Variants in GALNT2 observed in about 807,000 individuals in gnomAD.
GALNT2 encodes UDP-GalNAc:polypeptide N-acetylgalactosaminyltransferase 2.
In GALNT2, 31 loss-of-function variants were observed where a neutral mutation model predicts 81.4. That is an observed-to-expected ratio of 0.38 (90% CI 0.29 to 0.51). The LOEUF (loss-of-function observed/expected upper bound fraction) is 0.51. GALNT2 is among the 20% of genes least tolerant of loss of function. The pLI is 0.87. For synonymous variants in GALNT2, 303 were observed against 287.4 expected, an observed-to-expected ratio of 1.05 and a Z score of -0.55; for missense variants, 629 against 765.7, an observed-to-expected ratio of 0.82 and a Z score of 2.11.
intron 6 of GALNT2, among the ~76,000 whole-genome samples, chr1:230,241,286 A>G (rs199626287): frequency 6.6e-6 from 1 of 152,032 alleles, no homozygotes; most frequent in Middle Eastern, 3.2e-3. Context: ...TATAATTGAC[A>G]TTGTGGATGA....
At chr1:230,171,182 A>G (rs769136615) in intron 1 of GALNT2, among the ~76,000 whole-genome samples, 2 of 152,166 alleles carry the variant, frequency 1.3e-5, no homozygotes, top group Non-Finnish European at 2.9e-5. Context: ...GGGTCACTTT[A>G]TAGGGAAAAT....
chr1:230,274,691 C>A, intron 15 of GALNT2, 127 bp downstream of exon 15: 2 of 1,144,012 alleles, frequency 1.7e-6, no homozygotes, highest in Non-Finnish European at 2.4e-6. Flanking sequence ...TGTTCTTTTG[C>A]ATCACTGTGA....
At chr1:230,061,122 G>A (rs914066346) in intron 1 of GALNT2, among the ~76,000 whole-genome samples, 7 of 151,918 alleles carry the variant, frequency 4.6e-5, no homozygotes, top group African/African-American at 1.7e-4. Context: ...ATTAATCGGG[G>A]CCCTTTAAGT....
Position 230,124,173 on chromosome 1 carries a change from G to T in GALNT2, c.127-54045G>T, listed in dbSNP as rs527440947. Among the ~76,000 whole-genome samples, 198 of 152,302 alleles carry T rather than the reference G, an allele frequency of 1.3e-3. 2 individuals are homozygous for T. The highest frequency in any genetic ancestry group is 4.6e-3 in the African/African-American group (191 of 41,572). ...AATGTCAAGAATATTACCCGGCCTGGATTTAGGTGGAAATGAATTAAGTGC... is the reference window on the plus strand; with the variant it reads ...AATGTCAAGAATATTACCCGGCCTGTATTTAGGTGGAAATGAATTAAGTGC... On this transcript the variant is annotated intron_variant, in intron 1 of 15. Coordinates refer to ENST00000366672, the MANE Select transcript of GALNT2 (RefSeq NM_004481.5).
chr1:230,276,022 GCCACATATATATA>G lies in GALNT2; in HGVS notation c.1560+1460_1560+1472del, dbSNP rs1666296048. ...CACATATATATACGTATATATACATGCCACATATATATACGTATATACATGCCACATATATATA... is the reference window on the plus strand; with the variant it reads ...CACATATATATACGTATATATACATGCGTATATACATGCCACATATATATA... On this transcript the variant is annotated intron_variant, in intron 15 of 15. Transcript: ENST00000366672. Among the ~76,000 whole-genome samples, 5 of 53,790 alleles carry G rather than the reference GCCACATATATATA, an allele frequency of 9.3e-5. No homozygotes were observed. In the South Asian group the frequency reaches 3.4e-3, roughly 36 times the overall value. The allele number at this position is 53,790 out of a possible 152,430, so 35.3% of individuals were successfully genotyped here.
chr1:230,269,088 ACT>A (rs1666105620), intron 14 of GALNT2, among the ~76,000 whole-genome samples: 1 of 146,276 alleles, frequency 6.8e-6, no homozygotes, highest in Admixed American at 6.9e-5. Context: ...CTCCCTGCTC[ACT>A]CTCTGTCCCC....
At chr1:230,078,802 AT>A (rs1659641707) in intron 1 of GALNT2, among the ~76,000 whole-genome samples, 1 of 151,936 alleles carries the variant, frequency 6.6e-6, no homozygotes, top group African/African-American at 2.4e-5. Flanking sequence ...GTTTTATTTT[AT>A]TTTATTTATT....
At position 230,236,641 on chromosome 1, in the gene GALNT2, G is replaced by C; in HGVS notation, c.542-19G>C. Reference sequence around the variant, plus strand: ...ATGAACTCCAGGTTCAAAATGCTCTGCTTCTTTTCTTTTCCTAGCTGAGGA... The same window carrying C: ...ATGAACTCCAGGTTCAAAATGCTCTCCTTCTTTTCTTTTCCTAGCTGAGGA... On this transcript the variant is annotated intron_variant, in intron 5 of 15. Transcript: ENST00000366672. 1.2e-6 allele frequency: 2 copies of C among 1,606,936 alleles called. No individual in the cohort carries two copies. Among genetic ancestry groups the C allele is most frequent in the Non-Finnish European group, 1.7e-6 (2 of 1,178,018 alleles).
At chr1:230,140,516 C>G (rs764379917) in intron 1 of GALNT2, among the ~76,000 whole-genome samples, 2 of 152,160 alleles carry the variant, frequency 1.3e-5, no homozygotes, top group African/African-American at 2.4e-5. Flanking sequence ...AGCTGCTGTC[C>G]GTTGCTATAG....
intron 1 of GALNT2, among the ~76,000 whole-genome samples, chr1:230,174,308 C>T (rs920144480): frequency 1.3e-5 from 2 of 152,142 alleles, no homozygotes; most frequent in African/African-American, 4.8e-5. Context: ...TTGGCCTCTC[C>T]TCTCCCCTGC....
intron 1 of GALNT2, among the ~76,000 whole-genome samples, chr1:230,099,526 T>C (rs114556304): frequency 4.7e-4 from 72 of 152,312 alleles, no homozygotes; most frequent in African/African-American, 1.6e-3. Context: ...GCTCTCCACC[T>C]GTCCCAAGCT....
chr1:230,237,775 T>G (rs1264361171), intron 6 of GALNT2, among the ~76,000 whole-genome samples: 1 of 151,632 alleles, frequency 6.6e-6, no homozygotes, highest in Non-Finnish European at 1.5e-5. Flanking sequence ...CTAAACACCT[T>G]CAAAATAACT....
At chr1:230,246,227 C>A in intron 8 of GALNT2, 77 bp downstream of exon 8, 1 of 1,091,772 alleles carries the variant, frequency 9.2e-7, no homozygotes, top group South Asian at 1.3e-5. Flanking sequence ...CTCTCATTGT[C>A]AGGAGTGACA....
At position 230,279,402 on chromosome 1, in the gene GALNT2, G is replaced by A. The variant is rs2273970; in HGVS notation, c.1660G>A (p.Val554Met). ...TAKSGGLSVE[V>M]CGPALSQQWK... ...CAAGAGCGGGGGCCTAAGCGTGGAG[G>A]TGTGTGGCCCGGCCCTTTCGCAGCA... Residue 554 changes from valine to methionine, a missense_variant, in exon 16 of 16, where the codon GTG (valine) becomes ATG (methionine). Val to Met is a conservative substitution (Grantham distance 21, BLOSUM62 1). Around this residue, in one of 3 missense-constraint regions of GALNT2, gnomAD observed 207 missense variants for 225.5 expected, o/e 0.92. Coordinates refer to ENST00000366672, the MANE Select transcript of GALNT2 (RefSeq NM_004481.5). This position sits in a 1 kb window ranked among gnomAD's most constrained non-coding sequence, Gnocchi z 4.6. The A allele has an allele frequency of 0.059, 94,965 of 1,614,092 alleles. 5,020 individuals are homozygous for A. The highest frequency in any genetic ancestry group is 0.3 in the East Asian group (13,668 of 44,860).
rs1463355791 is a variant in GALNT2 at position 230,281,055 on chromosome 1, C to G, written c.*1597C>G. 6.6e-6 allele frequency: 1 copy of G among 152,188 alleles called. No homozygotes were observed. The highest frequency in any genetic ancestry group is 6.5e-5 in the Admixed American group (1 of 15,280). 9.4% of individuals were successfully genotyped at this position (152,188 alleles called of 1,614,324 possible). A position where few individuals can be genotyped will look rare whatever the true frequency, so the allele number is the denominator to read the frequency against. ...GCACGGCCTGGCAGTCTGAGAAAAG[C>G]GTCAGTTAGGCACACCTGCAGGCCC... On this transcript the variant is annotated 3_prime_UTR_variant, in exon 16 of 16. Coordinates refer to ENST00000366672, the MANE Select transcript of GALNT2 (RefSeq NM_004481.5).
At chr1:230,116,012 C>G (rs889345151) in intron 1 of GALNT2, among the ~76,000 whole-genome samples, 4 of 152,212 alleles carry the variant, frequency 2.6e-5, no homozygotes, top group Admixed American at 6.5e-5. Context: ...ACTGCAGTTC[C>G]TTCTCCACTC....
At chr1:230,069,936 A>G (rs1290270376) in intron 1 of GALNT2, among the ~76,000 whole-genome samples, 1 of 152,106 alleles carries the variant, frequency 6.6e-6, no homozygotes, top group Non-Finnish European at 1.5e-5. Context: ...ATTGGGCTTT[A>G]GGGATCGTCT....
intron 2 of GALNT2, among the ~76,000 whole-genome samples, chr1:230,185,948 C>T (rs189606006): frequency 4.0e-4 from 61 of 152,332 alleles, no homozygotes; most frequent in African/African-American, 1.4e-3. Context: ...GGCTTCTGCT[C>T]CAGTGAATTG....
At chr1:230,138,617 G>T (rs1410986353) in intron 1 of GALNT2, among the ~76,000 whole-genome samples, 4 of 152,086 alleles carry the variant, frequency 2.6e-5, no homozygotes, top group Non-Finnish European at 5.9e-5. Flanking sequence ...TATACTTATG[G>T]TTATTTCTTG....
Sources: gnomAD v4.1 joint callset for allele counts (sites outside exome capture counted in the v4.1 genomes callset) on GRCh38, gnomAD v4.1.1 for gene constraint, gnomAD v4.1.1 regional missense constraint, Gnocchi (gnomAD v3.1) non-coding constraint, MANE v1.5 for transcripts, NCBI Gene and HGNC (gene_info 2026-07-23, HGNC 2026-07-21) for gene names.